The following SANBR variants were observed in gnomAD, a reference collection of about 807,000 sequenced individuals.
The protein encoded by SANBR is SANT and BTB domain regulator of CSR.
Under a neutral mutation model 101.8 loss-of-function variants are expected in SANBR, and 77 were observed. That is an observed-to-expected ratio of 0.76 (90% CI 0.63 to 0.91). The LOEUF is 0.91. Ranked by LOEUF, SANBR falls within the 40% of genes least tolerant of loss-of-function variation. SANBR has a pLI of 0.00. For missense variants in SANBR, 875 were observed against 853.0 expected (o/e 1.03, Z -0.32); for synonymous variants, 279 against 274.7 (o/e 1.02, Z -0.15).
At chr2:61,130,211 A>G (rs1006028542) in intron 20 of SANBR, among the ~76,000 whole-genome samples, 3 of 152,060 alleles carry the variant, frequency 2.0e-5, no homozygotes, top group African/African-American at 7.2e-5. Flanking sequence ...ATATTTTTAA[A>G]TTATTTCCTC....
chr2:61,097,595 A>T, intron 11 of SANBR, 105 bp from the exon 12 acceptor site: 1 of 884,626 alleles, frequency 1.1e-6, no homozygotes, highest in Non-Finnish European at 1.7e-6. Flanking sequence ...CTTTTTCTGC[A>T]TATTTCATAT....
chr2:61,073,660 A>ATTCCAGTAGTTTCAGC, intron 5 of SANBR, 109 bp downstream of exon 5: 1 of 558,672 alleles, frequency 1.8e-6, no homozygotes, highest in Non-Finnish European at 3.1e-6. Context: ...ATAATTGCTG[A>ATTCCAGTAGTTTCAGC]AACTACTGGA....
chr2:61,094,614 C>A (rs1314479396), intron 11 of SANBR, among the ~76,000 whole-genome samples: 1 of 130,096 alleles, frequency 7.7e-6, no homozygotes, highest in Non-Finnish European at 1.7e-5. Context: ...GTTTTTATTT[C>A]TCTTGGATGT....
chr2:61,075,326 C>T (rs906713183), intron 5 of SANBR, among the ~76,000 whole-genome samples: 1 of 152,140 alleles, frequency 6.6e-6, no homozygotes, highest in Non-Finnish European at 1.5e-5. Context: ...GATGTTATCA[C>T]GACTCACTGG....
At chr2:61,110,123 A>T (rs983192253) in intron 16 of SANBR, among the ~76,000 whole-genome samples, 2 of 152,194 alleles carry the variant, frequency 1.3e-5, no homozygotes, top group African/African-American at 4.8e-5. Flanking sequence ...TTAGGATTTC[A>T]TATGAATAGA....
Position 61,117,524 on chromosome 2 carries a change from T to G in SANBR, c.1923T>G (p.Asp641Glu). 6.2e-7 allele frequency: 1 copy of G among 1,613,428 alleles called. No homozygotes were observed. The highest frequency in any genetic ancestry group is 8.5e-7 in the Non-Finnish European group (1 of 1,179,516). Residue 641 changes from aspartate to glutamate, a missense_variant, in exon 19 of 22, where the codon GAT (aspartate) becomes GAG (glutamate). Transcript: ENST00000402291. ...DATRSLRFNQDAQREDDQRRM... is the reference protein window; with the variant it reads ...DATRSLRFNQEAQREDDQRRM... ...CAAGATCCTTGAGATTCAACCAGGA[T>G]GCACAAAGAGAAGACGGTAAATTTT...
chr2:61,106,788 C>A, intron 14 of SANBR, 126 bp downstream of exon 14: 1 of 570,782 alleles, frequency 1.8e-6, no homozygotes, highest in Non-Finnish European at 3.0e-6. Flanking sequence ...AGGTATTATG[C>A]CTAGTAATAG....
chr2:61,109,111 T>G, intron 15 of SANBR, 86 bp from the exon 16 acceptor site: 1 of 638,796 alleles, frequency 1.6e-6, no homozygotes, highest in Non-Finnish European at 2.5e-6. Context: ...ACTGATTCAT[T>G]CAAAAGAAAT....
At chr2:61,131,161 C>T (rs1389095008) in intron 20 of SANBR, among the ~76,000 whole-genome samples, 2 of 152,030 alleles carry the variant, frequency 1.3e-5, no homozygotes, top group African/African-American at 4.8e-5. Context: ...AGCCCATTCT[C>T]AACATTTCTA....
chr2:61,092,707 G>T, intron 11 of SANBR, 120 bp downstream of exon 11: 1 of 795,118 alleles, frequency 1.3e-6, no homozygotes, highest in Non-Finnish European at 1.8e-6. Context: ...TCTTTTTAAA[G>T]AAACTAGTGG....
rs888048274 is a variant in SANBR at position 61,067,442 on chromosome 2, T to A, written c.-146-1407T>A. On this transcript the variant is annotated intron_variant, in intron 1 of 21. Coordinates refer to ENST00000402291, the MANE Select transcript of SANBR (RefSeq NM_001129993.3). ...TTTCTACCAAGGCCCAAACAAATTA[T>A]AATAAAACGCCCTGGCCGGGTGCAG... Among the ~76,000 whole-genome samples the A allele has an allele frequency of 2.6e-5, 4 of 152,158 alleles. No homozygotes were observed. The East Asian group carries it at 7.7e-4, about 29-fold the overall frequency.
rs143720766 is a variant in SANBR, at chr2:61,077,093, A to G, written c.605A>G (p.Asn202Ser). The G allele has an allele frequency of 3.3e-5, 54 of 1,614,144 alleles. No homozygotes were observed. The South Asian group carries it at 4.7e-4, about 14-fold the overall frequency. The part of the protein sequence containing the change: ...ISVHCDVHIF[N>S]WLIKYIKRNT... ...GTTCATTGCGACGTTCACATTTTCA[A>G]CTGGTTGATAAAATACATTAAAAGG... Residue 202 changes from asparagine to serine, a missense_variant, in exon 6 of 22, where the codon AAC becomes AGC. Asn to Ser is a conservative substitution (Grantham distance 46, BLOSUM62 1). Transcript: ENST00000402291.
Position 61,106,471 on chromosome 2 carries a change from C to G in SANBR, c.1512-92C>G, listed in dbSNP as rs189967858. 349 of 799,056 alleles carry G rather than the reference C, an allele frequency of 4.4e-4. 2 individuals carry two copies. The African/African-American group carries it at 6.0e-3, about 14-fold the overall frequency. 49.5% of individuals were successfully genotyped at this position (799,056 alleles called of 1,614,324 possible). A position where few individuals can be genotyped will look rare whatever the true frequency, so the allele number is the denominator to read the frequency against. On this transcript the variant is annotated intron_variant, in intron 13 of 21. Transcript: ENST00000402291. ...ACTCAGGAACTGTATTTCTAAAAAG[C>G]GATTTTTGAAACATTTGTAATAAAA...
Position 61,097,591 on chromosome 2 carries a change from C to G in SANBR, c.1213-109C>G, listed in dbSNP as rs111755342. On this transcript the variant is annotated intron_variant, in intron 11 of 21. Transcript: ENST00000402291. ...TTGTGTCTGTATAGATTGGCTTTTT[C>G]TGCATATTTCATATAAAAATGGAAC... 3.0e-3 allele frequency: 2,537 copies of G among 857,804 alleles called. 39 individuals carry two copies. The African/African-American group carries it at 0.037, about 12-fold the overall frequency. The allele number at this position is 857,804 out of a possible 1,614,324, so 53.1% of individuals were successfully genotyped here. A position where few individuals can be genotyped will look rare whatever the true frequency, so the allele number is the denominator to read the frequency against.
intron 20 of SANBR, among the ~76,000 whole-genome samples, chr2:61,120,549 G>T (rs143407691): frequency 1.8e-3 from 271 of 152,258 alleles, no homozygotes; most frequent in Non-Finnish European, 2.9e-3. Context: ...GGGCAACATA[G>T]GGAGATTCTG....
At chr2:61,110,015 T>A (rs958359232) in intron 16 of SANBR, among the ~76,000 whole-genome samples, 2 of 152,098 alleles carry the variant, frequency 1.3e-5, no homozygotes, top group African/African-American at 4.8e-5. Flanking sequence ...ACTCATTAGT[T>A]CCGAGAAACA....
Position 61,071,612 on chromosome 2 carries a change from A to C in SANBR, c.157A>C (p.Lys53Gln). 2 of 1,551,250 alleles carry C rather than the reference A, an allele frequency of 1.3e-6. No individual in the cohort carries two copies. Among genetic ancestry groups the C allele is most frequent in the Non-Finnish European group, 1.7e-6 (2 of 1,157,198 alleles). The change falls in exon 4 of 22, where the codon AAA (lysine) becomes CAA (glutamine). Residue 53 changes from lysine to glutamine, a missense_variant. By Grantham distance (53) the Lys-to-Gln change is moderately conservative. Coordinates refer to ENST00000402291, the MANE Select transcript of SANBR (RefSeq NM_001129993.3). ...TCATTTTATATTATGACAGTGTGCAAAAAGGTTTGATGAATTAAAGAGCAG... is the reference window on the plus strand; with the variant it reads ...TCATTTTATATTATGACAGTGTGCACAAAGGTTTGATGAATTAAAGAGCAG... ...VPGLTPKECA[K>Q]RFDELKSSGS...
Position 61,116,069 on chromosome 2 carries a change from A to C in SANBR, c.1835A>C (p.Lys612Thr), listed in dbSNP as rs772847158. ...CAGAGGAAAGAAAAGGCATTGGAGAAGGTAACTCTGAATTATCTGTTGTTA... is the reference window on the plus strand; with the variant it reads ...CAGAGGAAAGAAAAGGCATTGGAGACGGTAACTCTGAATTATCTGTTGTTA... ...CAQRKEKALE[K>T]SASRDVSPFV... Residue 612 changes from lysine to threonine, a missense_variant and splice_region_variant, in exon 17 of 22, where the codon AAG becomes ACG. Physicochemically the swap from Lys to Thr is moderately conservative, Grantham distance 78. Transcript: ENST00000402291. The C allele has an allele frequency of 1.9e-6, 3 of 1,591,778 alleles. No homozygotes were observed. The African/African-American group carries it at 4.1e-5, about 22-fold the overall frequency.
At chr2:61,120,559 G>C (rs1684287141) in intron 20 of SANBR, among the ~76,000 whole-genome samples, 1 of 152,092 alleles carries the variant, frequency 6.6e-6, no homozygotes, top group Admixed American at 6.6e-5. Flanking sequence ...GGGAGATTCT[G>C]TTTCTACAAA....
Sources: allele counts gnomAD v4.1 joint callset (sites outside exome capture counted in the v4.1 genomes callset), GRCh38; gene constraint gnomAD v4.1.1; transcripts MANE v1.5; gene names NCBI Gene and HGNC (gene_info 2026-07-23, HGNC 2026-07-21).